The following SPARCL1 variants were observed in gnomAD, a reference collection of about 807,000 sequenced individuals.
SPARCL1 encodes the protein SPARC-like protein 1.
A neutral mutation model predicts 67.1 loss-of-function variants in SPARCL1; 52 were observed. The observed-to-expected ratio is 0.78, with a 90% CI of 0.62 to 0.98. The LOEUF (loss-of-function observed/expected upper bound fraction) is 0.98. Among genes scored for constraint, SPARCL1 ranks in the 50% least tolerant of loss-of-function variants. The pLI is 0.00. For missense variants in SPARCL1, 717 were observed against 782.4 expected (o/e 0.92, Z 1.00); for synonymous variants, 226 against 267.8 (o/e 0.84, Z 1.52).
At chr4:87,476,609 T>C (rs569703179) in intron 10 of SPARCL1, among the ~76,000 whole-genome samples, 4 of 152,318 alleles carry the variant, frequency 2.6e-5, no homozygotes, top group East Asian at 3.9e-4. Context: ...TTTACCCTGT[T>C]AGTCTCACTT....
chr4:87,511,316 A>C (rs1725344363), intron 1 of SPARCL1, among the ~76,000 whole-genome samples: 1 of 152,248 alleles, frequency 6.6e-6, no homozygotes, highest in Non-Finnish European at 1.5e-5. Context: ...TTCTCATATG[A>C]ACAACTTAGT....
At chr4:87,527,340 C>T (rs1726090491) in intron 1 of SPARCL1, among the ~76,000 whole-genome samples, 1 of 152,044 alleles carries the variant, frequency 6.6e-6, no homozygotes, top group Admixed American at 6.6e-5. Flanking sequence ...CACTGAAGAT[C>T]ATTCTAGAGG....
intron 10 of SPARCL1, among the ~76,000 whole-genome samples, chr4:87,474,343 T>C (rs1300021368): frequency 6.6e-6 from 1 of 152,102 alleles, no homozygotes; most frequent in Non-Finnish European, 1.5e-5. Flanking sequence ...CACTAGGTAA[T>C]TTTCCTGCTA....
At chr4:87,524,424 C>A (rs555643647) in intron 1 of SPARCL1, among the ~76,000 whole-genome samples, 1 of 152,312 alleles carries the variant, frequency 6.6e-6, no homozygotes, top group East Asian at 1.9e-4. Context: ...AGTTGACCCT[C>A]CTGGTCTTAA....
chr4:87,511,265 G>A (rs1208403773), intron 1 of SPARCL1, among the ~76,000 whole-genome samples: 1 of 152,190 alleles, frequency 6.6e-6, no homozygotes, highest in Non-Finnish European at 1.5e-5. Context: ...TGACGAATTA[G>A]ATATTGTAGG....
At chr4:87,505,724 GT>G (rs1553970443) in intron 1 of SPARCL1, among the ~76,000 whole-genome samples, 2,505 of 141,052 alleles carry the variant, frequency 0.018, 24 homozygotes, top group Non-Finnish European at 0.029. Context: ...TCAGCTAATT[GT>G]TTTTTTTTTT....
intron 7 of SPARCL1, among the ~76,000 whole-genome samples, chr4:87,485,838 C>G (rs977935557): frequency 6.6e-6 from 1 of 152,086 alleles, no homozygotes; most frequent in African/African-American, 2.4e-5. Context: ...TCTAGATTTT[C>G]TAGTTTATTT....
chr4:87,476,054 A>T (rs1723570904), intron 10 of SPARCL1, among the ~76,000 whole-genome samples: 1 of 152,206 alleles, frequency 6.6e-6, no homozygotes, highest in African/African-American at 2.4e-5. Context: ...AACCATAATT[A>T]CTTTTGCATG....
intron 1 of SPARCL1, among the ~76,000 whole-genome samples, chr4:87,519,054 C>T (rs1725697093): frequency 6.6e-6 from 1 of 151,774 alleles, no homozygotes; most frequent in Non-Finnish European, 1.5e-5. Flanking sequence ...TCTCAGGGTA[C>T]CTTCCTATCA....
intron 2 of SPARCL1, among the ~76,000 whole-genome samples, chr4:87,498,835 C>T (rs771384006): frequency 1.6e-4 from 25 of 151,784 alleles, no homozygotes; most frequent in South Asian, 4.2e-4. Flanking sequence ...TCTATTTGAT[C>T]TTGAAGAAAA....
At chr4:87,482,756 C>T (rs932073807) in intron 7 of SPARCL1, among the ~76,000 whole-genome samples, 196 bp from the exon 8 acceptor site, 3 of 152,162 alleles carry the variant, frequency 2.0e-5, no homozygotes, top group Non-Finnish European at 4.4e-5. Context: ...CAAATGCCAG[C>T]TTCCAATCAA....
At chr4:87,500,952 A>ATTTTCTTGATCG (rs1314566302) in intron 1 of SPARCL1, among the ~76,000 whole-genome samples, 1 of 152,206 alleles carries the variant, frequency 6.6e-6, no homozygotes, top group Admixed American at 6.5e-5. Context: ...CCACACTGAC[A>ATTTTCTTGATCG]TTTATTTTCT....
chr4:87,507,714 A>T (rs564793326), intron 1 of SPARCL1, among the ~76,000 whole-genome samples: 2 of 152,296 alleles, frequency 1.3e-5, no homozygotes, highest in African/African-American at 4.8e-5. Context: ...GTACCTGGAG[A>T]TAGCGTCAGA....
intron 1 of SPARCL1, among the ~76,000 whole-genome samples, chr4:87,500,804 G>A (rs866889526): frequency 2.8e-5 from 4 of 140,672 alleles, no homozygotes; most frequent in Admixed American, 2.1e-4. Context: ...GCACATACGC[G>A]CGCACGCACA....
At chr4:87,474,891 C>G (rs573972624) in intron 10 of SPARCL1, among the ~76,000 whole-genome samples, 2 of 151,876 alleles carry the variant, frequency 1.3e-5, no homozygotes, top group South Asian at 2.1e-4. Flanking sequence ...TACAGGCGCC[C>G]GCCACCACGC....
At chr4:87,499,708 T>C in intron 1 of SPARCL1, 123 bp from the exon 2 acceptor site, 1 of 742,426 alleles carries the variant, frequency 1.3e-6, no homozygotes, top group Non-Finnish European at 2.3e-6. Flanking sequence ...TTTCTATCTT[T>C]GTGGATTAAT....
At chr4:87,509,758 A>G (rs896399191) in intron 1 of SPARCL1, among the ~76,000 whole-genome samples, 2 of 152,234 alleles carry the variant, frequency 1.3e-5, no homozygotes, top group African/African-American at 4.8e-5. Flanking sequence ...ATAGGGACCC[A>G]AAGAATTATT....
chr4:87,516,430 A>G (rs1412273046), intron 1 of SPARCL1, among the ~76,000 whole-genome samples: 1 of 152,236 alleles, frequency 6.6e-6, no homozygotes, highest in Non-Finnish European at 1.5e-5. Flanking sequence ...TGGTCATCAA[A>G]GTATTATTTT....
chr4:87,524,644 A>T (rs4693834), intron 1 of SPARCL1, among the ~76,000 whole-genome samples: 59,308 of 151,864 alleles, frequency 0.39, 13,321 homozygotes, highest in East Asian at 0.6. Flanking sequence ...CCCCTAGTTT[A>T]AGTCAGTTAG....
Sources: allele counts gnomAD v4.1 joint callset (sites outside exome capture counted in the v4.1 genomes callset), GRCh38; gene constraint gnomAD v4.1.1; transcripts MANE v1.5; gene names NCBI Gene and HGNC (gene_info 2026-07-23, HGNC 2026-07-21).